IGF1R: variants seen among roughly 807,000 people sequenced by gnomAD.
IGF1R encodes insulin like growth factor 1 receptor, also known as insulin-like growth factor 1 receptor.
IGF1R carries 44 observed loss-of-function variants against 144.6 expected under a neutral mutation model. The observed-to-expected ratio is 0.30, with a 90% CI of 0.24 to 0.39. The LOEUF is 0.39. IGF1R is among the 10% of genes least tolerant of loss of function. IGF1R has a pLI of 1.00. For missense variants in IGF1R, 1,355 were observed against 1,833.7 expected (o/e 0.74, Z 4.77); for synonymous variants, 795 against 722.8 (o/e 1.10, Z -1.60).
At chr15:98,949,250 C>CATA (rs1209352392) in intron 20 of IGF1R, among the ~76,000 whole-genome samples, 1 of 152,156 alleles carries the variant, frequency 6.6e-6, no homozygotes, top group East Asian at 1.9e-4. Flanking sequence ...TTACAAAAGT[C>CATA]ATAAACCATC....
chr15:98,842,926 A>G (rs1174256632), intron 2 of IGF1R, among the ~76,000 whole-genome samples: 1 of 152,234 alleles, frequency 6.6e-6, no homozygotes, highest in Admixed American at 6.5e-5. Flanking sequence ...TTAGAGACTC[A>G]AGTACACTCA....
rs147487609 is a variant in IGF1R, at chr15:98,731,219, A to G, written c.640+23112A>G. On this transcript the variant is annotated intron_variant, in intron 2 of 20. Transcript: ENST00000650285. ...TATGGCTAACTCTGGGCCCTGTGCT[A>G]TAAAAATAGATGTCATGGGATGTGT... is the stretch of plus-strand genomic sequence containing the variant. Among the ~76,000 whole-genome samples the G allele has an allele frequency of 1.3e-3, 195 of 152,332 alleles. 1 individual carries two copies. The highest frequency in any genetic ancestry group is 3.8e-3 in the African/African-American group (160 of 41,572).
At chr15:98,675,701 G>A (rs933379424) in intron 1 of IGF1R, among the ~76,000 whole-genome samples, 6 of 151,544 alleles carry the variant, frequency 4.0e-5, no homozygotes, top group Non-Finnish European at 7.4e-5. Context: ...CTTCTAGAAT[G>A]TATTTGTAGT....
intron 1 of IGF1R, among the ~76,000 whole-genome samples, chr15:98,654,981 G>GA (rs1424306008): frequency 1.1e-4 from 17 of 152,180 alleles, no homozygotes; most frequent in Admixed American, 7.9e-4. Flanking sequence ...GGGGATGGGG[G>GA]AGGGTAGCAG....
At chr15:98,839,398 A>G (rs933772027) in intron 2 of IGF1R, among the ~76,000 whole-genome samples, 1 of 151,976 alleles carries the variant, frequency 6.6e-6, no homozygotes, top group African/African-American at 2.4e-5. Flanking sequence ...TACCACCACC[A>G]TCACCACCCA....
chr15:98,665,755 G>A (rs1226536664), intron 1 of IGF1R, among the ~76,000 whole-genome samples: 1 of 152,212 alleles, frequency 6.6e-6, no homozygotes, highest in African/African-American at 2.4e-5. Flanking sequence ...GCCAGAACAG[G>A]AGAAGGCTTC....
intron 12 of IGF1R, 60 bp downstream of exon 12, chr15:98,924,072 A>T: frequency 6.8e-7 from 1 of 1,463,926 alleles, no homozygotes. Context: ...AGCATATGCT[A>T]CCTGACTGCA....
At chr15:98,658,790 TTTGTC>T (rs2052539440) in intron 1 of IGF1R, among the ~76,000 whole-genome samples, 1 of 152,224 alleles carries the variant, frequency 6.6e-6, no homozygotes, top group Non-Finnish European at 1.5e-5. Flanking sequence ...TTGACAGTGA[TTTGTC>T]TTGTTCCTTG....
chr15:98,878,289 C>T (rs757999679), intron 2 of IGF1R, among the ~76,000 whole-genome samples: 5 of 152,174 alleles, frequency 3.3e-5, no homozygotes, highest in Non-Finnish European at 5.9e-5. Flanking sequence ...CATTTAGGAG[C>T]CCACAATACC....
chr15:98,937,249 A>G (rs543809563), intron 17 of IGF1R, among the ~76,000 whole-genome samples: 1 of 152,192 alleles, frequency 6.6e-6, no homozygotes, highest in African/African-American at 2.4e-5. Flanking sequence ...AGGTGACTGG[A>G]GATCTGGCAG....
intron 2 of IGF1R, among the ~76,000 whole-genome samples, chr15:98,738,060 A>G (rs28733344): frequency 0.33 from 50,196 of 152,074 alleles, 8,650 homozygotes; most frequent in African/African-American, 0.4. Flanking sequence ...AGGTTTTTCT[A>G]TATAGCTTGG....
rs765477320 is a variant in IGF1R at position 98,649,636 on chromosome 15, C to G, written c.55C>G (p.Leu19Val). The G allele has an allele frequency of 1.1e-5, 17 of 1,605,474 alleles. No individual in the cohort carries two copies. Among genetic ancestry groups the G allele is most frequent in the Admixed American group, 1.7e-5 (1 of 58,886 alleles). The change falls in exon 1 of 21, where the codon CTC (leucine) becomes GTC (valine). Residue 19 changes from leucine (L) to valine (V), a missense_variant. Leu to Val is a conservative substitution (Grantham distance 32, BLOSUM62 1). This residue lies in a region of IGF1R where 49 missense variants were observed against 34.7 expected (regional missense o/e 1.41). Coordinates refer to ENST00000650285, the MANE Select transcript of IGF1R (RefSeq NM_000875.5). ...GACCTCGCTGTGGGGGCTCCTGTTT[C>G]TCTCCGCCGCGCTCTCGCTCTGGCC... ...SPTSLWGLLF[L>V]SAALSLWPTS...
At position 98,956,989 on chromosome 15, in the gene IGF1R, G is replaced by A. The variant is rs2017014927; in HGVS notation, c.3723-72G>A. The A allele has an allele frequency of 5.2e-5, 80 of 1,541,368 alleles. 2 individuals are homozygous for A. The South Asian group carries it at 8.4e-4, about 16-fold the overall frequency. ...CGCTTGTATGCGGGAAACCACTGCA[G>A]GCGGCCCATGAAGCCTCCTGGCCAT... is the stretch of plus-strand genomic sequence containing the variant. On this transcript the variant is annotated intron_variant, in intron 20 of 20. Coordinates refer to ENST00000650285, the MANE Select transcript of IGF1R (RefSeq NM_000875.5).
At chr15:98,809,797 A>T (rs2056545882) in intron 2 of IGF1R, among the ~76,000 whole-genome samples, 1 of 152,252 alleles carries the variant, frequency 6.6e-6, no homozygotes, top group Admixed American at 6.5e-5. Context: ...CTTTGGAGGA[A>T]CGTGGTTCCG....
intron 20 of IGF1R, among the ~76,000 whole-genome samples, chr15:98,952,272 CG>C (rs1466289468): frequency 3.4e-5 from 5 of 149,224 alleles, no homozygotes; most frequent in Non-Finnish European, 5.9e-5. Context: ...ACTGGGGATC[CG>C]GGAGCCTGGC....
At chr15:98,726,421 A>G (rs1005990079) in intron 2 of IGF1R, among the ~76,000 whole-genome samples, 1 of 152,202 alleles carries the variant, frequency 6.6e-6, no homozygotes, top group African/African-American at 2.4e-5. Context: ...GTCTTGCTCT[A>G]GTCAAGAAAC....
intron 6 of IGF1R, 44 bp from the exon 7 acceptor site, chr15:98,911,271 G>A (rs1477249907): frequency 6.2e-7 from 1 of 1,613,158 alleles, no homozygotes; most frequent in African/African-American, 1.3e-5. Context: ...GCTTTTCAGA[G>A]ACACATGAAT....
At chr15:98,651,175 G>A in intron 1 of IGF1R, 1 of 558,666 alleles carries the variant, frequency 1.8e-6, no homozygotes, top group Non-Finnish European at 2.3e-6. Flanking sequence ...GAAGGAGGAG[G>A]CAGCGGAGGT....
At chr15:98,680,377 C>G (rs2141212652) in intron 1 of IGF1R, among the ~76,000 whole-genome samples, 1 of 152,048 alleles carries the variant, frequency 6.6e-6, no homozygotes. Flanking sequence ...CGCCATTCTC[C>G]TGCCTCAGCC....
Sources: allele counts gnomAD v4.1 joint callset (sites outside exome capture counted in the v4.1 genomes callset), GRCh38; gene constraint gnomAD v4.1.1; regional missense constraint gnomAD v4.1.1; transcripts MANE v1.5; gene names NCBI Gene and HGNC (gene_info 2026-07-23, HGNC 2026-07-21).